The following LARP7 variants were observed in gnomAD, a reference collection of about 807,000 sequenced individuals.
LARP7 encodes the protein La ribonucleoprotein 7, transcriptional regulator, also known as la-related protein 7.
Under a neutral mutation model 69.3 loss-of-function variants are expected in LARP7, and 52 were observed. That is an observed-to-expected ratio of 0.75 (90% CI 0.60 to 0.95). The LOEUF (loss-of-function observed/expected upper bound fraction) is 0.95, where lower values mean the gene tolerates loss of function less well. Among genes scored for constraint, LARP7 ranks in the 40% least tolerant of loss-of-function variants. The pLI, the probability that LARP7 is intolerant of heterozygous loss-of-function variation, is 0.00. For synonymous variants in LARP7, 254 were observed against 215.9 expected (o/e 1.18, Z -1.55); for missense variants, 733 against 673.0 (o/e 1.09, Z -0.99).
At chr4:112,643,394 C>A (rs1054601902) in intron 1 of LARP7, among the ~76,000 whole-genome samples, 5 of 152,156 alleles carry the variant, frequency 3.3e-5, no homozygotes, top group South Asian at 2.1e-4. Flanking sequence ...GTTTAAAAGA[C>A]CCCGTTAGAC....
chr4:112,655,913 A>G (rs1227612639), intron 12 of LARP7, among the ~76,000 whole-genome samples: 1 of 152,198 alleles, frequency 6.6e-6, no homozygotes, highest in Non-Finnish European at 1.5e-5. Context: ...GTCAGGGACT[A>G]GAAGACCAGT....
intron 8 of LARP7, chr4:112,648,216 AGTTTCAAAGCAAGTACATCCAC>A (rs757634396): frequency 7.5e-6 from 4 of 533,098 alleles, no homozygotes; most frequent in African/African-American, 3.9e-5. Context: ...TTACTTCTTT[AGTTTCAAAGCAAGTACATCCAC>A]GTTTAAGTGG....
chr4:112,651,496 A>G (rs903144340), intron 10 of LARP7, among the ~76,000 whole-genome samples: 19 of 152,210 alleles, frequency 1.2e-4, no homozygotes, highest in African/African-American at 4.6e-4. Flanking sequence ...TACTGCTCTG[A>G]TTAATCAGAT....
intron 9 of LARP7, chr4:112,650,165 T>C (rs2048653804): frequency 4.5e-6 from 1 of 224,460 alleles, no homozygotes; most frequent in Non-Finnish European, 8.7e-6. Context: ...TTTAACTTTA[T>C]TGAGTAAAAA....
intron 1 of LARP7, among the ~76,000 whole-genome samples, chr4:112,639,309 A>C (rs1578546352): frequency 6.8e-6 from 1 of 147,480 alleles, no homozygotes; most frequent in African/African-American, 2.5e-5. Context: ...TCCCGGATTC[A>C]CACCTTTCTC....
chr4:112,645,464 TTTAGTTCA>T, intron 2 of LARP7: 1 of 456,088 alleles, frequency 2.2e-6, no homozygotes, highest in African/African-American at 2.0e-5. Context: ...AGTGCTATAC[TTTAGTTCA>T]TACAAGAAGG....
At chr4:112,654,230 T>TC in intron 12 of LARP7, 71 bp downstream of exon 12, 1 of 1,058,326 alleles carries the variant, frequency 9.4e-7, no homozygotes, top group Non-Finnish European at 1.5e-6. Flanking sequence ...CAGTACTAGG[T>TC]AGTCATAAAA....
intron 1 of LARP7, among the ~76,000 whole-genome samples, chr4:112,643,621 G>T (rs762358112): frequency 1.3e-5 from 2 of 152,216 alleles, no homozygotes; most frequent in African/African-American, 4.8e-5. Flanking sequence ...GCTGAGGCTG[G>T]CGAATCACCT....
chr4:112,644,544 T>C (rs2048089614), intron 1 of LARP7, 124 bp from the exon 2 acceptor site: 1 of 1,030,858 alleles, frequency 9.7e-7, no homozygotes, highest in Admixed American at 3.5e-5. Flanking sequence ...TCTTTCTGTT[T>C]GTCTTCTGAT....
chr4:112,646,416 A>ATT lies in LARP7; in HGVS notation c.269_270dup (p.Ala91LeufsTer5). 6.2e-7 allele frequency: 1 copy of ATT among 1,605,932 alleles called. No individual in the cohort carries two copies. The highest frequency in any genetic ancestry group is 8.5e-7 in the Non-Finnish European group (1 of 1,173,600). ...AAAATTGACTACTGATGGGAAGTTAATTGCCAGAGCATTGAGAAGTTCAGC... is the reference window on the plus strand; with the variant it reads ...AAAATTGACTACTGATGGGAAGTTAATTTTGCCAGAGCATTGAGAAGTTCAGC... On this transcript the variant is annotated frameshift_variant, in exon 3 of 13. Coordinates refer to ENST00000344442, the MANE Select transcript of LARP7 (RefSeq NM_016648.4). LOFTEE classifies it high-confidence loss of function.
chr4:112,647,086 A>T lies in LARP7; in HGVS notation c.605A>T (p.Lys202Ile). ...CCAAGAAAACCTGGCATATTTCCTA[A>T]AACAGTGAAAAATAAGCCCATTCCA... ...EAPRKPGIFP[K>I]TVKNKPIPAL... The change falls in exon 6 of 13, where the codon AAA (lysine) becomes ATA (isoleucine). Residue 202 changes from lysine (K) to isoleucine (I), a missense_variant. By Grantham distance (102) the Lys-to-Ile change is moderately radical (BLOSUM62 -3). Transcript: ENST00000344442. 1 of 1,611,648 alleles carries T rather than the reference A, an allele frequency of 6.2e-7. No homozygotes were observed. Among genetic ancestry groups the T allele is most frequent in the African/African-American group, 1.3e-5 (1 of 74,886 alleles).
Position 112,644,774 on chromosome 4 carries a change from T to C in LARP7, c.105T>C (p.Leu35=). Residue 35 remains leucine, a synonymous_variant, in exon 2 of 13, where the codon CTT becomes CTC. Coordinates refer to ENST00000344442, the MANE Select transcript of LARP7 (RefSeq NM_016648.4). ...KKKRSRVKQV[L]ADIAKQVDFW... is the part of the protein sequence containing the mutation. ...AACGGTCACGAGTTAAACAGGTGCTTGCAGATATTGCTAAGCAAGTGGACT... is the reference window on the plus strand; with the variant it reads ...AACGGTCACGAGTTAAACAGGTGCTCGCAGATATTGCTAAGCAAGTGGACT... The C allele has an allele frequency of 1.2e-6, 2 of 1,608,768 alleles. No homozygotes were observed. The highest frequency in any genetic ancestry group is 1.7e-6 in the Non-Finnish European group (2 of 1,176,498).
chr4:112,644,786 T>A lies in LARP7; in HGVS notation c.117T>A (p.Ala39=), dbSNP rs1560923293. Reference sequence around the variant, plus strand: ...TTAAACAGGTGCTTGCAGATATTGCTAAGCAAGTGGACTTCTGGTTTGGGG... The same window carrying A: ...TTAAACAGGTGCTTGCAGATATTGCAAAGCAAGTGGACTTCTGGTTTGGGG... The part of the protein sequence containing the change: ...SRVKQVLADI[A]KQVDFWFGDA... The change falls in exon 2 of 13, where the codon GCT becomes GCA. Residue 39 remains alanine (A), a synonymous_variant. Coordinates refer to ENST00000344442, the MANE Select transcript of LARP7 (RefSeq NM_016648.4). 1 of 1,608,006 alleles carries A rather than the reference T, an allele frequency of 6.2e-7. No homozygotes were observed.
Position 112,646,878 on chromosome 4 carries a change from T to TATA in LARP7, c.477_479dup (p.Tyr159_Lys160insAsn). On this transcript the variant is annotated inframe_insertion, in exon 5 of 13. Transcript: ENST00000344442. ...TGTTGTTTATATAAGTATACCACAT[T>TATA]ATAAGTCTACTGGAGATCCAAAGGG... The TATA allele has an allele frequency of 6.2e-7, 1 of 1,608,854 alleles. No homozygotes were observed. Among genetic ancestry groups the TATA allele is most frequent in the Non-Finnish European group, 8.5e-7 (1 of 1,178,722 alleles).
chr4:112,651,111 G>C (rs1223188939), intron 10 of LARP7, among the ~76,000 whole-genome samples: 4 of 152,254 alleles, frequency 2.6e-5, no homozygotes, highest in South Asian at 2.1e-4. Flanking sequence ...TTAGGTGAGA[G>C]TACCATATCT....
chr4:112,657,323 A>T lies in LARP7; in HGVS notation c.1745A>T (p.Asp582Val). The T allele has an allele frequency of 6.4e-7, 1 of 1,552,644 alleles. No homozygotes were observed. Among genetic ancestry groups the T allele is most frequent in the Non-Finnish European group, 8.8e-7 (1 of 1,138,478 alleles). The change falls in exon 13 of 13, where the codon GAT (aspartate) becomes GTT (valine). Residue 582 changes from aspartate (D) to valine (V), a missense_variant. By Grantham distance (152) the Asp-to-Val change is radical (BLOSUM62 -3). Transcript: ENST00000344442. ...ASKHIRFSEYD is the reference protein window; with the variant it reads ...ASKHIRFSEYV ...AAACATATAAGATTTTCTGAATATG[A>T]TTGAAAAAAAAAACAGTTCACCTCT...
At chr4:112,652,245 GTC>G (rs2048774411) in intron 10 of LARP7, among the ~76,000 whole-genome samples, 1 of 145,556 alleles carries the variant, frequency 6.9e-6, no homozygotes, top group Non-Finnish European at 1.5e-5. Context: ...AATTAGTTAT[GTC>G]TGAAATTTTA....
chr4:112,652,420 A>G (rs577378464), intron 10 of LARP7, among the ~76,000 whole-genome samples: 202 of 152,110 alleles, frequency 1.3e-3, no homozygotes, highest in African/African-American at 4.8e-3. Flanking sequence ...CTGCTGTGAA[A>G]AAAAAAGTTG....
intron 8 of LARP7, chr4:112,648,379 G>A: frequency 1.9e-6 from 1 of 534,500 alleles, no homozygotes; most frequent in Non-Finnish European, 3.8e-6. Flanking sequence ...CTGAAACATG[G>A]AAGCACTTAC....
Sources: allele counts gnomAD v4.1 joint callset (sites outside exome capture counted in the v4.1 genomes callset), GRCh38; gene constraint gnomAD v4.1.1; transcripts MANE v1.5; gene names NCBI Gene and HGNC (gene_info 2026-07-23, HGNC 2026-07-21).